Variants in SYCP2L observed in about 807,000 individuals in gnomAD.
The protein encoded by SYCP2L is synaptonemal complex protein 2 like, also known as synaptonemal complex protein 2-like.
A neutral mutation model predicts 125.8 loss-of-function variants in SYCP2L; 98 were observed. That is an observed-to-expected ratio of 0.78 (90% CI 0.66 to 0.92). SYCP2L has a LOEUF of 0.92. Among genes scored for constraint, SYCP2L ranks in the 40% least tolerant of loss-of-function variants. SYCP2L has a pLI of 0.00. For synonymous variants in SYCP2L, 317 were observed against 325.4 expected (o/e 0.97, Z 0.28); for missense variants, 842 against 936.4 (o/e 0.90, Z 1.32).
intron 29 of SYCP2L, among the ~76,000 whole-genome samples, chr6:10,969,562 C>T (rs77750357): frequency 0.2 from 30,286 of 151,362 alleles, 3,642 homozygotes; most frequent in East Asian, 0.27. Flanking sequence ...GACGGGGTTT[C>T]ACCGTTTTAG....
At position 10,931,119 on chromosome 6, in the gene SYCP2L, A is replaced by G. The variant is rs558232127; in HGVS notation, c.1634-321A>G. On this transcript the variant is annotated intron_variant, in intron 19 of 29. Coordinates refer to ENST00000283141, the MANE Select transcript of SYCP2L (RefSeq NM_001040274.3). ...CCAGGAGGTCAAGGCTGCAGCGAGC[A>G]GTGATCGTGCCACTGCACTGCAGCT... Among the ~76,000 whole-genome samples, 392 of 152,326 alleles carry G rather than the reference A, an allele frequency of 2.6e-3. 3 individuals carry two copies. The highest frequency in any genetic ancestry group is 8.8e-3 in the African/African-American group (366 of 41,582).
intron 29 of SYCP2L, among the ~76,000 whole-genome samples, chr6:10,972,254 A>G (rs1190982145): frequency 6.6e-6 from 1 of 152,224 alleles, no homozygotes; most frequent in African/African-American, 2.4e-5. Flanking sequence ...GGAAATAGCA[A>G]TAACAACAAA....
intron 9 of SYCP2L, among the ~76,000 whole-genome samples, chr6:10,906,405 A>G (rs74323924): frequency 0.02 from 3,037 of 152,138 alleles, 100 homozygotes; most frequent in African/African-American, 0.069. Context: ...GTTCCCAAGC[A>G]TATTTTTCTA....
Position 10,902,931 on chromosome 6 carries a change from A to G in SYCP2L, c.609A>G (p.Lys203=). 1 of 1,614,198 alleles carries G rather than the reference A, an allele frequency of 6.2e-7. No homozygotes were observed. Among genetic ancestry groups the G allele is most frequent in the Admixed American group, 1.7e-5 (1 of 60,028 alleles). ...LHAVPREERK[K]FPLSEGMCHL... ...CTGTCCCTCGAGAAGAGAGAAAAAA[A>G]TTCCCTTTGTCAGAAGGCATGTGTC... The change falls in exon 8 of 30, where the codon AAA becomes AAG. Residue 203 remains lysine, a synonymous_variant. Coordinates refer to ENST00000283141, the MANE Select transcript of SYCP2L (RefSeq NM_001040274.3).
At chr6:10,935,488 G>C (rs1581833826) in intron 21 of SYCP2L, among the ~76,000 whole-genome samples, 1 of 152,038 alleles carries the variant, frequency 6.6e-6, no homozygotes, top group East Asian at 1.9e-4. Context: ...GGTTCCAATA[G>C]TAAATATTTT....
chr6:10,945,406 A>G (rs913032474), intron 23 of SYCP2L, among the ~76,000 whole-genome samples: 1 of 151,994 alleles, frequency 6.6e-6, no homozygotes, highest in African/African-American at 2.4e-5. Flanking sequence ...TTTCGCTATG[A>G]TTGTGGATTT....
At chr6:10,946,403 T>C (rs931377908) in intron 23 of SYCP2L, among the ~76,000 whole-genome samples, 4 of 152,026 alleles carry the variant, frequency 2.6e-5, no homozygotes, top group Non-Finnish European at 5.9e-5. Context: ...AATGTGTAAA[T>C]TTCTAAGCCT....
intron 14 of SYCP2L, chr6:10,922,832 TAAAGAAA>T (rs1300485268): frequency 1.3e-5 from 2 of 152,068 alleles, no homozygotes; most frequent in East Asian, 3.9e-4. Context: ...GTAGTCACAT[TAAAGAAA>T]AAAGTAGATT....
chr6:10,912,126 GAGA>G lies in SYCP2L; in HGVS notation c.919-543_919-541del, dbSNP rs988274396. 1.3e-5 allele frequency among the ~76,000 whole-genome samples: 2 copies of G among 151,990 alleles called. No individual in the cohort carries two copies. The highest frequency in any genetic ancestry group is 2.9e-5 in the Non-Finnish European group (2 of 67,990). Reference sequence around the variant, plus strand: ...GGTACTTATGAAAAACTGAGGGGCAGAGAAGATGTTTACTGTTTCTATAAACAC... The same window carrying G: ...GGTACTTATGAAAAACTGAGGGGCAGAGATGTTTACTGTTTCTATAAACAC... On this transcript the variant is annotated intron_variant, in intron 12 of 29. Transcript: ENST00000283141. The surrounding 1 kb of genome is among the most constrained non-coding windows in gnomAD (Gnocchi z 4.1).
chr6:10,958,210 A>AT (rs139005082), intron 25 of SYCP2L, among the ~76,000 whole-genome samples: 31,630 of 145,920 alleles, frequency 0.22, 3,701 homozygotes, highest in South Asian at 0.27. Flanking sequence ...TGGATAATTT[A>AT]TTTTTTTTTA....
In SYCP2L at chr6:10,958,829, G is replaced by A; in HGVS notation, c.2209G>A (p.Ala737Thr). The change falls in exon 26 of 30, where the codon GCA becomes ACA. Residue 737 changes from alanine to threonine, a missense_variant. By Grantham distance (58) the Ala-to-Thr change is moderately conservative. Transcript: ENST00000283141. ...GTTTAATTCAGAAAATGCAAAGAAA[G>A]CACCGGATTGCCTAATAAAACTTTT... The part of the protein sequence containing the change: ...RPFNSENAKK[A>T]PDCLIKLLNQ... The A allele has an allele frequency of 6.2e-7, 1 of 1,613,724 alleles. No homozygotes were observed. The highest frequency in any genetic ancestry group is 8.5e-7 in the Non-Finnish European group (1 of 1,179,904).
At chr6:10,965,848 C>G (rs1781666970) in intron 29 of SYCP2L, among the ~76,000 whole-genome samples, 1 of 152,196 alleles carries the variant, frequency 6.6e-6, no homozygotes, top group African/African-American at 2.4e-5. Flanking sequence ...CCTGGTGGCT[C>G]ATGCCTATAA....
intron 4 of SYCP2L, among the ~76,000 whole-genome samples, chr6:10,896,473 G>A (rs1780261046): frequency 1.3e-5 from 2 of 152,144 alleles, no homozygotes; most frequent in South Asian, 4.1e-4. Flanking sequence ...AGGGATAGAT[G>A]GAGTGGTGAC....
Position 10,887,259 on chromosome 6 carries a change from T to C in SYCP2L, c.9+124T>C, listed in dbSNP as rs1030965571. Reference sequence around the variant, plus strand: ...TCGCTCAGAGACCGGGTGCTGGGCATAGTCCCCCGCCACCTCCTTGGGTTT... The same window carrying C: ...TCGCTCAGAGACCGGGTGCTGGGCACAGTCCCCCGCCACCTCCTTGGGTTT... On this transcript the variant is annotated intron_variant, in intron 1 of 29. Coordinates refer to ENST00000283141, the MANE Select transcript of SYCP2L (RefSeq NM_001040274.3). The C allele has an allele frequency of 4.6e-6, 6 of 1,317,568 alleles. 1 individual carries two copies. The South Asian group carries it at 6.2e-5, about 14-fold the overall frequency. The allele number at this position is 1,317,568 out of a possible 1,614,324, so 81.6% of individuals were successfully genotyped here. A position where few individuals can be genotyped will look rare whatever the true frequency, so the allele number is the denominator to read the frequency against.
intron 6 of SYCP2L, among the ~76,000 whole-genome samples, chr6:10,900,683 C>G (rs896491784): frequency 2.6e-5 from 4 of 152,146 alleles, no homozygotes; most frequent in Non-Finnish European, 5.9e-5. Flanking sequence ...GGCACTCATC[C>G]CATCATGAGG....
chr6:10,958,624 C>T (rs557931749), intron 25 of SYCP2L, among the ~76,000 whole-genome samples, 160 bp from the exon 26 acceptor site: 1 of 152,230 alleles, frequency 6.6e-6, no homozygotes, highest in Admixed American at 6.5e-5. Context: ...GGGGTAATAC[C>T]TGACAGGTGT....
At chr6:10,904,436 T>C (rs1780446624) in intron 8 of SYCP2L, among the ~76,000 whole-genome samples, 1 of 152,240 alleles carries the variant, frequency 6.6e-6, no homozygotes, top group African/African-American at 2.4e-5. Context: ...TTTGTGAGCA[T>C]GAAACTCACT....
chr6:10,899,843 G>A lies in SYCP2L; in HGVS notation c.466+995G>A, dbSNP rs144738385. On this transcript the variant is annotated intron_variant, in intron 6 of 29. Transcript: ENST00000283141. ...AGTCAGTGGTTCCAAACATTTTCAA[G>A]TCAAAGTTTTATGATCATCACAATG... 6.4e-3 allele frequency among the ~76,000 whole-genome samples: 981 copies of A among 152,276 alleles called. 5 individuals carry two copies. The highest frequency in any genetic ancestry group is 0.022 in the African/African-American group (928 of 41,540).
intron 14 of SYCP2L, among the ~76,000 whole-genome samples, chr6:10,914,875 T>C (rs1780664954): frequency 6.6e-6 from 1 of 151,484 alleles, no homozygotes; most frequent in African/African-American, 2.4e-5. Flanking sequence ...GCCTCCTGAG[T>C]AGCTGGGATT....
Sources: gnomAD v4.1 joint callset for allele counts (sites outside exome capture counted in the v4.1 genomes callset) on GRCh38, gnomAD v4.1.1 for gene constraint, Gnocchi (gnomAD v3.1) non-coding constraint, MANE v1.5 for transcripts, NCBI Gene and HGNC (gene_info 2026-07-23, HGNC 2026-07-21) for gene names.